The following NARS2 variants were observed in gnomAD, a reference collection of about 807,000 sequenced individuals.
The protein encoded by NARS2 is asparaginyl-tRNA synthetase 2, mitochondrial.
In NARS2, 60 loss-of-function variants were observed where a neutral mutation model predicts 62.9. The ratio of observed to expected loss-of-function variants is 0.95; its 90% confidence interval spans 0.77 to 1.18. The LOEUF is 1.18. NARS2 is among the 50% of genes most tolerant of loss of function. The pLI, the probability that NARS2 is intolerant of heterozygous loss-of-function variation, is 0.00. For missense variants in NARS2, 619 were observed against 576.4 expected (o/e 1.07, Z -0.76); for synonymous variants, 196 against 200.0 (o/e 0.98, Z 0.17).
intron 9 of NARS2, among the ~76,000 whole-genome samples, chr11:78,473,883 C>T (rs1231956906): frequency 6.6e-6 from 1 of 152,116 alleles, no homozygotes; most frequent in African/African-American, 2.4e-5. Context: ...TATCTTGATT[C>T]TAATTCATTC....
intron 11 of NARS2, among the ~76,000 whole-genome samples, chr11:78,453,672 A>G (rs1199470661): frequency 6.6e-6 from 1 of 152,216 alleles, no homozygotes; most frequent in Non-Finnish European, 1.5e-5. Context: ...GTTACACACT[A>G]GTATCAGAAG....
At chr11:78,464,027 G>T (rs993282964) in intron 11 of NARS2, among the ~76,000 whole-genome samples, 25 of 152,180 alleles carry the variant, frequency 1.6e-4, no homozygotes, top group Admixed American at 1.4e-3. Context: ...GAGTGTTACA[G>T]TTCTTAAAGG....
chr11:78,456,064 TTAAG>T (rs532037806), intron 11 of NARS2, among the ~76,000 whole-genome samples: 91 of 152,180 alleles, frequency 6.0e-4, no homozygotes, highest in Admixed American at 1.5e-3. Flanking sequence ...TCTTATTTAG[TTAAG>T]TGAGACAATA....
intron 5 of NARS2, chr11:78,555,085 A>G (rs556496209): frequency 3.2e-4 from 48 of 152,314 alleles, no homozygotes; most frequent in African/African-American, 1.1e-3. Context: ...AATGAAGCCT[A>G]CTTCATGGTG....
intron 4 of NARS2, among the ~76,000 whole-genome samples, chr11:78,563,068 C>G (rs1296950690): frequency 6.6e-6 from 1 of 152,072 alleles, no homozygotes; most frequent in Non-Finnish European, 1.5e-5. Flanking sequence ...AGGTAGATAA[C>G]TATCACACAT....
In NARS2 at chr11:78,440,978, G is replaced by T. The variant is rs530109852; in HGVS notation, c.1289+113C>A. The T allele has an allele frequency of 1.6e-5, 15 of 934,672 alleles. No homozygotes were observed. The Admixed American group carries it at 2.0e-4, about 12-fold the overall frequency. 57.9% of individuals were successfully genotyped at this position (934,672 alleles called of 1,614,324 possible). ...CCTTCCCTGACCTAAGAACAGTTAA[G>T]TTCATTGTTTTTAACACTCTTTCAT... On this transcript the variant is annotated intron_variant, in intron 13 of 13. Transcript: ENST00000281038.
chr11:78,487,544 T>G (rs1248637815), intron 7 of NARS2, among the ~76,000 whole-genome samples: 1 of 151,540 alleles, frequency 6.6e-6, no homozygotes, highest in Non-Finnish European at 1.5e-5. Flanking sequence ...AAAAAATACG[T>G]AAAGAAATAA....
intron 4 of NARS2, among the ~76,000 whole-genome samples, chr11:78,559,929 CAGG>C (rs1275695234): frequency 6.6e-6 from 1 of 152,200 alleles, no homozygotes; most frequent in Non-Finnish European, 1.5e-5. Context: ...GTGGCTGAGC[CAGG>C]ACTAGAACCT....
At chr11:78,476,991 A>T (rs565156518) in intron 9 of NARS2, among the ~76,000 whole-genome samples, 1 of 152,328 alleles carries the variant, frequency 6.6e-6, no homozygotes, top group Non-Finnish European at 1.5e-5. Flanking sequence ...GTAGAATGAG[A>T]ATAATAACTA....
chr11:78,450,189 G>T (rs1857917057), intron 11 of NARS2, among the ~76,000 whole-genome samples: 1 of 152,102 alleles, frequency 6.6e-6, no homozygotes, highest in Admixed American at 6.6e-5. Context: ...CATCTACGTG[G>T]ACTCTTAAAC....
chr11:78,573,194 G>C (rs1856993262), intron 1 of NARS2: 1 of 152,182 alleles, frequency 6.6e-6, no homozygotes, highest in Non-Finnish European at 1.5e-5. Flanking sequence ...AGCCATGACT[G>C]TGTCAGTACA....
Position 78,559,920 on chromosome 11 carries a change from T to C in NARS2, c.514-301A>G, listed in dbSNP as rs373626676. The stretch of plus-strand genomic sequence containing the variant: ...TTCCACAAGTTACACAATTAGTCAG[T>C]GGCTGAGCCAGGACTAGAACCTAGG... On this transcript the variant is annotated intron_variant, in intron 4 of 13. Coordinates refer to ENST00000281038, the MANE Select transcript of NARS2 (RefSeq NM_024678.6). 3.1e-4 allele frequency among the ~76,000 whole-genome samples: 47 copies of C among 152,342 alleles called. No homozygotes were observed. The East Asian group carries it at 3.9e-3, about 12-fold the overall frequency.
chr11:78,536,245 T>G (rs1003595243), intron 5 of NARS2, among the ~76,000 whole-genome samples: 1 of 152,328 alleles, frequency 6.6e-6, no homozygotes, highest in Non-Finnish European at 1.5e-5. Flanking sequence ...TGTTACTGAT[T>G]TACATATTTA....
intron 11 of NARS2, among the ~76,000 whole-genome samples, chr11:78,457,417 A>G (rs756867998): frequency 5.9e-5 from 9 of 152,164 alleles, no homozygotes; most frequent in Non-Finnish European, 1.0e-4. Flanking sequence ...CTACTAAAAG[A>G]AACAGAATTT....
intron 5 of NARS2, among the ~76,000 whole-genome samples, chr11:78,535,838 A>C (rs1855315889): frequency 1.3e-5 from 2 of 152,132 alleles, no homozygotes; most frequent in Admixed American, 6.5e-5. Context: ...GCTGGTCTCA[A>C]ACTCCTGACC....
chr11:78,570,918 G>GA (rs540313458), intron 2 of NARS2, among the ~76,000 whole-genome samples: 45 of 152,090 alleles, frequency 3.0e-4, no homozygotes, highest in African/African-American at 1.0e-3. Context: ...GACACTATGG[G>GA]AGCACAAAAA....
At chr11:78,519,089 T>G (rs75808007) in intron 6 of NARS2, among the ~76,000 whole-genome samples, 2,892 of 152,258 alleles carry the variant, frequency 0.019, 88 homozygotes, top group African/African-American at 0.066. Flanking sequence ...GAATGAAGAA[T>G]GAGAAAGTCT....
chr11:78,570,222 ATT>A (rs1226135125), intron 2 of NARS2, among the ~76,000 whole-genome samples: 1 of 151,612 alleles, frequency 6.6e-6, no homozygotes, highest in African/African-American at 2.4e-5. Context: ...CATCAGAACA[ATT>A]TTTTTTTGTT....
chr11:78,562,285 C>G (rs1213195031), intron 4 of NARS2, among the ~76,000 whole-genome samples: 1 of 151,958 alleles, frequency 6.6e-6, no homozygotes, highest in Non-Finnish European at 1.5e-5. Flanking sequence ...AAAAAACGAG[C>G]CAGGCACAGT....
Sources: gnomAD v4.1 joint callset for allele counts (sites outside exome capture counted in the v4.1 genomes callset) on GRCh38, gnomAD v4.1.1 for gene constraint, MANE v1.5 for transcripts, NCBI Gene and HGNC (gene_info 2026-07-23, HGNC 2026-07-21) for gene names.